PDGFD: variants seen among roughly 807,000 people sequenced by gnomAD.
PDGFD encodes the protein platelet derived growth factor D, also known as platelet-derived growth factor D.
PDGFD carries 30 observed loss-of-function variants against 44.7 expected under a neutral mutation model. The observed-to-expected ratio is 0.67, with a 90% confidence interval of 0.50 to 0.91. The LOEUF (loss-of-function observed/expected upper bound fraction) is 0.91, where lower values mean the gene tolerates loss of function less well. PDGFD is among the 40% of genes least tolerant of loss of function. PDGFD has a pLI of 0.00. For synonymous variants in PDGFD, 173 were observed against 168.4 expected (o/e 1.03, Z -0.21); for missense variants, 445 against 457.8 (o/e 0.97, Z 0.25).
At position 103,909,759 on chromosome 11, in the gene PDGFD, C is replaced by T; in HGVS notation, c.1048G>A (p.Val350Ile). The T allele has an allele frequency of 6.2e-7, 1 of 1,613,888 alleles. No homozygotes were observed. The highest frequency in any genetic ancestry group is 2.2e-5 in the East Asian group (1 of 44,886). Reference protein sequence around the residue: ...RRGRAKTMALVDIQLDHHERC... With the variant: ...RRGRAKTMALIDIQLDHHERC... ...TCATGGTGATCCAACTGGATGTCAACTAGAGCCATGGTCTTAGCTCTACCC... is the reference window on the plus strand; with the variant it reads ...TCATGGTGATCCAACTGGATGTCAATTAGAGCCATGGTCTTAGCTCTACCC... The change falls in exon 7 of 7, where the codon GTT becomes ATT. Residue 350 changes from valine to isoleucine, a missense_variant. Physicochemically the swap from Val to Ile is conservative, Grantham distance 29. Coordinates refer to ENST00000393158, the MANE Select transcript of PDGFD (RefSeq NM_025208.5).
chr11:104,020,741 G>C (rs1223980506), intron 1 of PDGFD, among the ~76,000 whole-genome samples: 1 of 151,956 alleles, frequency 6.6e-6, no homozygotes, highest in Non-Finnish European at 1.5e-5. Context: ...TCCCTGCATA[G>C]ACCTATGCTA....
chr11:103,990,759 C>T (rs1015865280), intron 3 of PDGFD, among the ~76,000 whole-genome samples: 1 of 152,088 alleles, frequency 6.6e-6, no homozygotes, highest in Non-Finnish European at 1.5e-5. Context: ...TATATATAGT[C>T]CTGGCTGAAG....
rs542004904 is a variant in PDGFD, at chr11:104,131,019, T to C, written c.124+32785A>G. On this transcript the variant is annotated intron_variant, in intron 1 of 6. Coordinates refer to ENST00000393158, the MANE Select transcript of PDGFD (RefSeq NM_025208.5). ...TTATAAGTGCTCTTTTGGATTTATGTAGACAATGATTTTTATCATATGTCA... is the reference window on the plus strand; with the variant it reads ...TTATAAGTGCTCTTTTGGATTTATGCAGACAATGATTTTTATCATATGTCA... 3.3e-5 allele frequency among the ~76,000 whole-genome samples: 5 copies of C among 152,318 alleles called. No homozygotes were observed. In the East Asian group the frequency reaches 7.7e-4, roughly 24 times the overall value.
intron 1 of PDGFD, among the ~76,000 whole-genome samples, chr11:104,145,300 G>A (rs990132864): frequency 3.3e-5 from 5 of 152,056 alleles, no homozygotes; most frequent in Admixed American, 6.6e-5. Flanking sequence ...GCTATGTTAC[G>A]TCATGCAATA....
At chr11:104,092,756 AG>A (rs1861229326) in intron 1 of PDGFD, among the ~76,000 whole-genome samples, 1 of 152,204 alleles carries the variant, frequency 6.6e-6, no homozygotes, top group Non-Finnish European at 1.5e-5. Context: ...CTGACATAGG[AG>A]TCAATGTGAT....
At chr11:104,081,772 T>G (rs1861047777) in intron 1 of PDGFD, among the ~76,000 whole-genome samples, 1 of 152,152 alleles carries the variant, frequency 6.6e-6, no homozygotes, top group African/African-American at 2.4e-5. Context: ...GGAAAAACAA[T>G]AATTCAAAAC....
chr11:104,044,137 T>G (rs1423146262), intron 1 of PDGFD, among the ~76,000 whole-genome samples: 2 of 152,106 alleles, frequency 1.3e-5, no homozygotes, highest in Non-Finnish European at 2.9e-5. Flanking sequence ...TCAAAGACAA[T>G]GAGATACCAA....
At chr11:104,063,974 C>A (rs781767544) in intron 1 of PDGFD, among the ~76,000 whole-genome samples, 6 of 152,136 alleles carry the variant, frequency 3.9e-5, no homozygotes, top group South Asian at 2.1e-4. Context: ...AGAAGTAACT[C>A]GTTCAGGTTT....
At chr11:103,910,973 T>G (rs993534540) in intron 6 of PDGFD, among the ~76,000 whole-genome samples, 1 of 152,186 alleles carries the variant, frequency 6.6e-6, no homozygotes, top group Non-Finnish European at 1.5e-5. Context: ...ACTGGGAAGT[T>G]TGAATGGGGC....
At chr11:103,921,179 G>A (rs542129007) in intron 6 of PDGFD, among the ~76,000 whole-genome samples, 3 of 152,146 alleles carry the variant, frequency 2.0e-5, no homozygotes, top group African/African-American at 7.2e-5. Context: ...ACTTAAAGGT[G>A]GAGAAAGGAC....
intron 1 of PDGFD, among the ~76,000 whole-genome samples, chr11:104,003,133 G>A (rs183879190): frequency 6.6e-6 from 1 of 152,338 alleles, no homozygotes; most frequent in Non-Finnish European, 1.5e-5. Context: ...CTGCACAAAT[G>A]TAAACAGGCA....
intron 5 of PDGFD, among the ~76,000 whole-genome samples, chr11:103,933,422 T>G (rs1858437428): frequency 6.6e-6 from 1 of 152,198 alleles, no homozygotes; most frequent in Admixed American, 6.5e-5. Flanking sequence ...AAAGGACAAT[T>G]ATTTTATAAG....
intron 5 of PDGFD, among the ~76,000 whole-genome samples, chr11:103,927,634 GTTTTAT>G (rs1858340067): frequency 6.6e-6 from 1 of 152,164 alleles, no homozygotes; most frequent in South Asian, 2.1e-4. Flanking sequence ...AAGGGTTTTA[GTTTTAT>G]TTTTAACTTC....
At chr11:103,994,125 T>C (rs377664490) in intron 3 of PDGFD, among the ~76,000 whole-genome samples, 12 of 152,232 alleles carry the variant, frequency 7.9e-5, no homozygotes, top group African/African-American at 2.9e-4. Context: ...GTATTCCTAC[T>C]GCTTTTTACA....
chr11:104,146,749 A>T (rs891288628), intron 1 of PDGFD, among the ~76,000 whole-genome samples: 1 of 152,110 alleles, frequency 6.6e-6, no homozygotes. Context: ...TCTGAATTGT[A>T]CTTGGCTGGA....
intron 1 of PDGFD, among the ~76,000 whole-genome samples, chr11:104,146,836 A>C (rs1388111545): frequency 6.6e-6 from 1 of 152,082 alleles, no homozygotes; most frequent in Non-Finnish European, 1.5e-5. Flanking sequence ...AGAGGGGAAT[A>C]AAAGAGACAT....
At chr11:104,027,396 A>G (rs1860057650) in intron 1 of PDGFD, among the ~76,000 whole-genome samples, 1 of 152,064 alleles carries the variant, frequency 6.6e-6, no homozygotes, top group Non-Finnish European at 1.5e-5. Context: ...TATTGTTTTC[A>G]CTCCTACGAG....
intron 1 of PDGFD, among the ~76,000 whole-genome samples, chr11:104,040,871 C>A (rs1449168784): frequency 6.6e-6 from 1 of 151,876 alleles, no homozygotes; most frequent in Non-Finnish European, 1.5e-5. Flanking sequence ...TATGTTTTAT[C>A]ATTTCTTAGT....
chr11:104,108,916 C>G (rs1263953445), intron 1 of PDGFD, among the ~76,000 whole-genome samples: 1 of 152,056 alleles, frequency 6.6e-6, no homozygotes, highest in Non-Finnish European at 1.5e-5. Flanking sequence ...ATGGATGAAG[C>G]TGGAAACCAT....
Sources: gnomAD v4.1 joint callset for allele counts (sites outside exome capture counted in the v4.1 genomes callset) on GRCh38, gnomAD v4.1.1 for gene constraint, MANE v1.5 for transcripts, NCBI Gene and HGNC (gene_info 2026-07-23, HGNC 2026-07-21) for gene names.